The following CRYBG1 variants were observed in gnomAD, a reference collection of about 807,000 sequenced individuals.
CRYBG1 encodes beta/gamma crystallin domain-containing protein 1.
A neutral mutation model predicts 189.2 loss-of-function variants in CRYBG1; 139 were observed. The observed-to-expected ratio is 0.73, with a 90% confidence interval of 0.64 to 0.85. CRYBG1 has a LOEUF of 0.85. CRYBG1 is among the 40% of genes least tolerant of loss of function. The pLI is 0.00. For missense variants in CRYBG1, 2,611 were observed against 2,675.8 expected (o/e 0.98, Z 0.53); for synonymous variants, 1,023 against 1,017.1 (o/e 1.01, Z -0.11).
At chr6:106,544,123 G>A (rs1000943930) in intron 11 of CRYBG1, among the ~76,000 whole-genome samples, 7 of 152,174 alleles carry the variant, frequency 4.6e-5, no homozygotes, top group Non-Finnish European at 1.0e-4. Flanking sequence ...TATGCTCCAA[G>A]CTATTGAACA....
chr6:106,465,480 G>A (rs1430194989), intron 2 of CRYBG1, among the ~76,000 whole-genome samples: 1 of 152,168 alleles, frequency 6.6e-6, no homozygotes, highest in Non-Finnish European at 1.5e-5. Context: ...CAGGAGGAAG[G>A]AGGAAGCTGA....
At chr6:106,536,786 C>T (rs1037939034) in intron 8 of CRYBG1, among the ~76,000 whole-genome samples, 4 of 152,104 alleles carry the variant, frequency 2.6e-5, no homozygotes, top group African/African-American at 9.7e-5. Context: ...TCTATATTGG[C>T]GAAAGCTTAT....
intron 1 of CRYBG1, among the ~76,000 whole-genome samples, chr6:106,439,050 GAAAAA>G (rs11313505): frequency 0.12 from 16,109 of 131,822 alleles, 1,017 homozygotes; most frequent in Middle Eastern, 0.18. Flanking sequence ...CTTAAAAAAT[GAAAAA>G]AAAAAAAAAA....
At chr6:106,448,482 A>G (rs746641691) in intron 1 of CRYBG1, among the ~76,000 whole-genome samples, 1 of 152,170 alleles carries the variant, frequency 6.6e-6, no homozygotes, top group East Asian at 1.9e-4. Context: ...CCCCAAGTAT[A>G]GAGAACTGAC....
intron 1 of CRYBG1, among the ~76,000 whole-genome samples, chr6:106,425,642 T>A (rs890138609): frequency 1.3e-5 from 2 of 152,194 alleles, no homozygotes; most frequent in African/African-American, 2.4e-5. Flanking sequence ...TCTGTTTATT[T>A]ATTTATGAGA....
At chr6:106,460,088 G>A (rs1209909477) in intron 2 of CRYBG1, among the ~76,000 whole-genome samples, 56 of 151,946 alleles carry the variant, frequency 3.7e-4, no homozygotes, top group African/African-American at 1.2e-3. Flanking sequence ...CCGGGGTCAT[G>A]CCATTCTCCT....
chr6:106,383,768 T>C (rs7740532), intron 1 of CRYBG1, among the ~76,000 whole-genome samples: 40,786 of 152,090 alleles, frequency 0.27, 5,727 homozygotes, highest in Middle Eastern at 0.34. Context: ...AAGTTTGCAA[T>C]AGATAACTTC....
chr6:106,456,725 G>A (rs1178708743), intron 2 of CRYBG1, among the ~76,000 whole-genome samples: 1 of 151,882 alleles, frequency 6.6e-6, no homozygotes, highest in Non-Finnish European at 1.5e-5. Flanking sequence ...TTCTCTTTAT[G>A]CCTGTTCCAC....
chr6:106,361,397 G>C (rs1461659291), intron 1 of CRYBG1, among the ~76,000 whole-genome samples: 1 of 152,194 alleles, frequency 6.6e-6, no homozygotes, highest in Non-Finnish European at 1.5e-5. Context: ...CGGGGAGTGA[G>C]GGTTGTTACC....
chr6:106,493,190 CA>C (rs1772764134), intron 2 of CRYBG1, among the ~76,000 whole-genome samples: 1 of 151,922 alleles, frequency 6.6e-6, no homozygotes, highest in Non-Finnish European at 1.5e-5. Flanking sequence ...AAAAAATGGG[CA>C]AAAGACTTGA....
intron 2 of CRYBG1, among the ~76,000 whole-genome samples, chr6:106,472,932 A>G (rs1216119960): frequency 1.3e-5 from 2 of 150,714 alleles, no homozygotes; most frequent in African/African-American, 4.9e-5. Context: ...AAAAGAAAGT[A>G]TATTCTGTTA....
At chr6:106,505,391 G>A (rs753333916) in intron 2 of CRYBG1, among the ~76,000 whole-genome samples, 15 of 152,046 alleles carry the variant, frequency 9.9e-5, no homozygotes, top group Non-Finnish European at 2.2e-4. Context: ...ACCGCACCCG[G>A]CCCAATTTTT....
chr6:106,448,808 C>A (rs1383366016), intron 1 of CRYBG1, among the ~76,000 whole-genome samples: 3 of 152,158 alleles, frequency 2.0e-5, no homozygotes, highest in Non-Finnish European at 4.4e-5. Flanking sequence ...CTTCAGGTCT[C>A]AGCCTCAAAG....
rs879891321 is a variant in CRYBG1, at chr6:106,510,850, A to G, written c.313-580A>G. On this transcript the variant is annotated intron_variant, in intron 2 of 21. Coordinates refer to ENST00000633556, the MANE Select transcript of CRYBG1 (RefSeq NM_001371242.2). ...TGGAGCTCCGGCTAAGGCGGGGCCC[A>G]GGTGCTTGCTTCCTCCGAGCTTGCT... 2.0e-5 allele frequency among the ~76,000 whole-genome samples: 3 copies of G among 152,228 alleles called. No individual in the cohort carries two copies. In the East Asian group the frequency reaches 5.8e-4, roughly 29 times the overall value.
intron 2 of CRYBG1, among the ~76,000 whole-genome samples, chr6:106,474,738 A>G (rs1174945007): frequency 1.3e-5 from 2 of 152,180 alleles, no homozygotes; most frequent in Non-Finnish European, 2.9e-5. Context: ...GTCCATGGGC[A>G]GGCGTAGGAG....
chr6:106,449,756 C>T (rs932419180), intron 1 of CRYBG1, among the ~76,000 whole-genome samples: 3 of 152,108 alleles, frequency 2.0e-5, no homozygotes, highest in African/African-American at 7.2e-5. Context: ...AGATATTAGC[C>T]TCACAGGTAG....
intron 9 of CRYBG1, among the ~76,000 whole-genome samples, chr6:106,540,250 G>A (rs1431852690): frequency 7.2e-5 from 11 of 152,238 alleles, no homozygotes; most frequent in African/African-American, 2.7e-4. Context: ...GTTGAGCGCA[G>A]TGTGTGCTGC....
intron 2 of CRYBG1, among the ~76,000 whole-genome samples, chr6:106,497,735 A>G (rs1462561991): frequency 6.6e-6 from 1 of 152,240 alleles, no homozygotes; most frequent in Non-Finnish European, 1.5e-5. Flanking sequence ...TGTGAAATGA[A>G]GATAACAATT....
rs1326977845 is a variant in CRYBG1 at position 106,424,222 on chromosome 6, T to C, written c.174-27472T>C. ...TAGGAACTCATAGTACAAAACACAATAAAATGTATTTTTTTCTCCTATTTG... is the reference window on the plus strand; with the variant it reads ...TAGGAACTCATAGTACAAAACACAACAAAATGTATTTTTTTCTCCTATTTG... On this transcript the variant is annotated intron_variant, in intron 1 of 21. Transcript: ENST00000633556. 2.0e-5 allele frequency among the ~76,000 whole-genome samples: 3 copies of C among 152,148 alleles called. No homozygotes were observed. In the East Asian group the frequency reaches 5.8e-4, roughly 29 times the overall value.
Sources: gnomAD v4.1 joint callset for allele counts (sites outside exome capture counted in the v4.1 genomes callset) on GRCh38, gnomAD v4.1.1 for gene constraint, MANE v1.5 for transcripts, NCBI Gene and HGNC (gene_info 2026-07-23, HGNC 2026-07-21) for gene names.